RAD50: variants seen among roughly 807,000 people sequenced by gnomAD.
RAD50 encodes DNA repair protein RAD50.
Under a neutral mutation model 168.8 loss-of-function variants are expected in RAD50, and 132 were observed. The observed-to-expected ratio is 0.78, with a 90% CI of 0.68 to 0.90. The LOEUF is 0.90. Among genes scored for constraint, RAD50 ranks in the 40% least tolerant of loss-of-function variants. The pLI is 0.00. For missense variants in RAD50, 1,347 were observed against 1,534.4 expected (o/e 0.88, Z 2.04); for synonymous variants, 525 against 497.4 (o/e 1.06, Z -0.74).
intron 2 of RAD50, among the ~76,000 whole-genome samples, chr5:132,559,751 T>TA (rs748573293): frequency 6.6e-6 from 1 of 152,184 alleles, no homozygotes; most frequent in Non-Finnish European, 1.5e-5. Context: ...GTAATTTTCT[T>TA]ACATTAGATT....
chr5:132,603,625 C>G lies in RAD50; in HGVS notation c.2397+136C>G, dbSNP rs1421235802. The G allele has an allele frequency of 3.9e-6, 4 of 1,031,040 alleles. No homozygotes were observed. The East Asian group carries it at 7.7e-5, about 20-fold the overall frequency. 63.9% of individuals were successfully genotyped at this position (1,031,040 alleles called of 1,614,324 possible). A position where few individuals can be genotyped will look rare whatever the true frequency, so the allele number is the denominator to read the frequency against. ...ATTCCCCATCCTGAATTTCAGATAC[C>G]CTCAGGGAGAAACTGCTTAGTTTAC... On this transcript the variant is annotated intron_variant, in intron 14 of 24. Transcript: ENST00000378823.
intron 5 of RAD50, among the ~76,000 whole-genome samples, chr5:132,584,733 G>A (rs1241088583): frequency 6.6e-6 from 1 of 152,010 alleles, no homozygotes; most frequent in Non-Finnish European, 1.5e-5. Context: ...AAGAAAATAT[G>A]GCACATATAC....
intron 13 of RAD50, among the ~76,000 whole-genome samples, chr5:132,596,919 G>A (rs578117127): frequency 3.9e-5 from 6 of 152,254 alleles, no homozygotes; most frequent in South Asian, 4.1e-4. Context: ...GTCAGAACAC[G>A]GTGCAAAGGG....
intron 13 of RAD50, among the ~76,000 whole-genome samples, chr5:132,601,248 T>C (rs1257479752): frequency 6.6e-6 from 1 of 152,174 alleles, no homozygotes; most frequent in Non-Finnish European, 1.5e-5. Context: ...TTCACCAGCC[T>C]CAGCCTCCCA....
At chr5:132,603,536 G>A in intron 14 of RAD50, 47 bp downstream of exon 14, 1 of 1,571,956 alleles carries the variant, frequency 6.4e-7, no homozygotes, top group Non-Finnish European at 8.8e-7. Context: ...TTCCATGGTG[G>A]CTTGAATTTG....
At chr5:132,639,313 A>G (rs972583554) in intron 23 of RAD50, among the ~76,000 whole-genome samples, 4 of 147,234 alleles carry the variant, frequency 2.7e-5, no homozygotes, top group Admixed American at 6.9e-5. Flanking sequence ...AGATCGTGCC[A>G]TTGCACTCCA....
chr5:132,599,361 G>A (rs929203555), intron 13 of RAD50, among the ~76,000 whole-genome samples: 7 of 152,182 alleles, frequency 4.6e-5, no homozygotes, highest in African/African-American at 1.7e-4. Flanking sequence ...CCGAAGAGCA[G>A]GGAAATGATG....
chr5:132,616,239 TGA>T, intron 20 of RAD50, 109 bp downstream of exon 20: 1 of 1,074,630 alleles, frequency 9.3e-7, no homozygotes, highest in Non-Finnish European at 1.4e-6. Context: ...TGGTATCCTT[TGA>T]GAGTTACTAG....
intron 22 of RAD50, 179 bp from the exon 23 acceptor site, chr5:132,637,902 T>A (rs1478060930): frequency 2.9e-6 from 2 of 686,000 alleles, no homozygotes; most frequent in East Asian, 5.5e-5. Flanking sequence ...GGGTTGCTTC[T>A]GGCCAGACCA....
intron 2 of RAD50, among the ~76,000 whole-genome samples, chr5:132,574,988 T>G (rs1162156685): frequency 6.6e-6 from 1 of 152,172 alleles, no homozygotes; most frequent in Non-Finnish European, 1.5e-5. Context: ...CTTTCCCATA[T>G]TTTCCTCTCT....
At chr5:132,572,222 T>C (rs891776085) in intron 2 of RAD50, among the ~76,000 whole-genome samples, 2 of 152,210 alleles carry the variant, frequency 1.3e-5, no homozygotes, top group African/African-American at 2.4e-5. Context: ...TGAATAGTTA[T>C]TCATTCCTGA....
At chr5:132,614,965 C>G (rs182634853) in intron 19 of RAD50, among the ~76,000 whole-genome samples, 14 of 152,254 alleles carry the variant, frequency 9.2e-5, no homozygotes, top group Non-Finnish European at 2.1e-4. Context: ...CAAGATATTG[C>G]CACAGGTCTG....
chr5:132,644,523 G>C lies in RAD50; in HGVS notation c.*2159G>C, dbSNP rs1751809316. ...AAAATGGTACATATTTTGTAGGGTT[G>C]TTATGAAGATTGAATGACATTATTT... is the stretch of plus-strand genomic sequence containing the variant. On this transcript the variant is annotated 3_prime_UTR_variant, in exon 25 of 25. Coordinates refer to ENST00000378823, the MANE Select transcript of RAD50 (RefSeq NM_005732.4). 1.1e-5 allele frequency: 2 copies of C among 181,150 alleles called. No homozygotes were observed. Among genetic ancestry groups the C allele is most frequent in the African/African-American group, 4.7e-5 (2 of 42,406 alleles). 11.2% of individuals were successfully genotyped at this position (181,150 alleles called of 1,614,324 possible).
rs150673516 is a variant in RAD50, at chr5:132,577,955, C to T, written c.366-1362C>T. ...TCAGCCTCCTGAGTAGCTGGGACTA[C>T]AGGCGTGCACCACCATGCCTGGCTA... On this transcript the variant is annotated intron_variant, in intron 3 of 24. Coordinates refer to ENST00000378823, the MANE Select transcript of RAD50 (RefSeq NM_005732.4). 6.3e-3 allele frequency among the ~76,000 whole-genome samples: 965 copies of T among 152,074 alleles called. 13 individuals are homozygous for T. Among genetic ancestry groups the T allele is most frequent in the African/African-American group, 0.022 (917 of 41,486 alleles).
rs1751801908 is a variant in RAD50 at position 132,644,178 on chromosome 5, C to T, written c.*1814C>T. 3 of 179,982 alleles carry T rather than the reference C, an allele frequency of 1.7e-5. No homozygotes were observed. Among genetic ancestry groups the T allele is most frequent in the East Asian group, 9.3e-5 (1 of 10,770 alleles). The allele number at this position is 179,982 out of a possible 1,614,324, so 11.1% of individuals were successfully genotyped here. A position where few individuals can be genotyped will look rare whatever the true frequency, so the allele number is the denominator to read the frequency against. ...CAAAAGTATCATTTGCAAGTTAAAA[C>T]AGACTTCCCAATTTTAAATCTGGTT... On this transcript the variant is annotated 3_prime_UTR_variant, in exon 25 of 25. Transcript: ENST00000378823.
intron 5 of RAD50, among the ~76,000 whole-genome samples, chr5:132,581,918 G>A (rs1359248333): frequency 1.3e-5 from 2 of 151,912 alleles, no homozygotes; most frequent in Non-Finnish European, 2.9e-5. Context: ...TTCTTGAGGA[G>A]CATCTTGGTT....
intron 22 of RAD50, 69 bp from the exon 23 acceptor site, chr5:132,638,012 G>T: frequency 5.9e-6 from 9 of 1,521,674 alleles, no homozygotes; most frequent in African/African-American, 2.7e-5. Flanking sequence ...AGGCTTACTT[G>T]ATATGTTTGT....
At chr5:132,574,964 T>C (rs1034557975) in intron 2 of RAD50, among the ~76,000 whole-genome samples, 1 of 152,200 alleles carries the variant, frequency 6.6e-6, no homozygotes, top group African/African-American at 2.4e-5. Flanking sequence ...AACAAATCTC[T>C]AGGGAGTTCC....
At chr5:132,623,929 G>T (rs1430258482) in intron 21 of RAD50, among the ~76,000 whole-genome samples, 2 of 152,126 alleles carry the variant, frequency 1.3e-5, no homozygotes, top group African/African-American at 4.8e-5. Context: ...AATTGCCTAG[G>T]CATATTTTTG....
Sources: gnomAD v4.1 joint callset for allele counts (sites outside exome capture counted in the v4.1 genomes callset) on GRCh38, gnomAD v4.1.1 for gene constraint, MANE v1.5 for transcripts, NCBI Gene and HGNC (gene_info 2026-07-23, HGNC 2026-07-21) for gene names.